Variants in TAB2 observed in about 807,000 individuals in gnomAD.
TAB2 encodes TGF-beta activated kinase 1 (MAP3K7) binding protein 2.
In TAB2, 3 loss-of-function variants were observed where a neutral mutation model predicts 65.0. That is an observed-to-expected ratio of 0.05 (90% CI 0.02 to 0.12). The LOEUF is 0.12. TAB2 is among the 10% of genes least tolerant of loss of function. The pLI is 1.00. For synonymous variants in TAB2, 298 were observed against 285.1 expected (o/e 1.05, Z -0.46); for missense variants, 623 against 840.3 (o/e 0.74, Z 3.20).
chr6:149,237,536 G>A (rs1309060094), intron 1 of TAB2, among the ~76,000 whole-genome samples: 3 of 152,188 alleles, frequency 2.0e-5, no homozygotes, highest in Non-Finnish European at 2.9e-5. Flanking sequence ...CTTTCCATGC[G>A]TAAGTGGAGA....
chr6:149,409,255 T>C (rs1782763328), intron 6 of TAB2, among the ~76,000 whole-genome samples: 1 of 152,244 alleles, frequency 6.6e-6, no homozygotes, highest in African/African-American at 2.4e-5. Flanking sequence ...AGGACAGCTT[T>C]TTACAATCTT....
chr6:149,283,167 G>C (rs961633474), intron 1 of TAB2, among the ~76,000 whole-genome samples: 2 of 152,162 alleles, frequency 1.3e-5, no homozygotes. Flanking sequence ...CTGCTCTCCC[G>C]CTAGGGTTGG....
At chr6:149,392,126 A>T (rs934819565) in intron 3 of TAB2, among the ~76,000 whole-genome samples, 10 of 75,898 alleles carry the variant, frequency 1.3e-4, no homozygotes, top group Non-Finnish European at 2.2e-4. Flanking sequence ...ATCAGATTTT[A>T]TTTTTTTTTG....
chr6:149,277,708 G>C (rs79473288), intron 1 of TAB2, among the ~76,000 whole-genome samples: 2 of 152,162 alleles, frequency 1.3e-5, no homozygotes, highest in Admixed American at 1.3e-4. Context: ...CTTGTGAGAA[G>C]TGGAAGGCCA....
At chr6:149,388,501 C>G (rs909029611) in intron 3 of TAB2, among the ~76,000 whole-genome samples, 1 of 152,224 alleles carries the variant, frequency 6.6e-6, no homozygotes, top group Admixed American at 6.5e-5. Flanking sequence ...CCCATACTTA[C>G]AAATGGGTAA....
intron 1 of TAB2, among the ~76,000 whole-genome samples, chr6:149,311,386 G>A (rs482388): frequency 0.44 from 67,463 of 151,976 alleles, 15,432 homozygotes; most frequent in African/African-American, 0.57. Flanking sequence ...TTCTCCTCTC[G>A]AAACTCCCAG....
At chr6:149,275,404 G>A (rs965835776) in intron 1 of TAB2, among the ~76,000 whole-genome samples, 6 of 152,094 alleles carry the variant, frequency 3.9e-5, no homozygotes, top group African/African-American at 1.4e-4. Flanking sequence ...AACAACTTGA[G>A]CAACAAAATA....
chr6:149,305,071 G>A (rs951059844), intron 1 of TAB2, among the ~76,000 whole-genome samples: 2 of 151,788 alleles, frequency 1.3e-5, no homozygotes, highest in African/African-American at 2.4e-5. Context: ...TTATTGTTTT[G>A]TTATTGTTAT....
chr6:149,369,061 G>A (rs763790060), intron 1 of TAB2, among the ~76,000 whole-genome samples: 1 of 152,116 alleles, frequency 6.6e-6, no homozygotes, highest in Non-Finnish European at 1.5e-5. Flanking sequence ...GTTTTAAAGA[G>A]ATTGTCTTCT....
At chr6:149,329,696 G>T in intron 1 of TAB2, among the ~76,000 whole-genome samples, 1 of 151,780 alleles carries the variant, frequency 6.6e-6, no homozygotes, top group South Asian at 2.1e-4. Flanking sequence ...GTGGAAGTAG[G>T]GTAGATGGTA....
At chr6:149,267,641 C>T (rs532362364) in intron 1 of TAB2, among the ~76,000 whole-genome samples, 1 of 152,136 alleles carries the variant, frequency 6.6e-6, no homozygotes, top group Admixed American at 6.6e-5. Flanking sequence ...GGTTATGCTC[C>T]GAGAAATGCG....
chr6:149,350,899 G>A (rs1462639836), intron 1 of TAB2, among the ~76,000 whole-genome samples: 4 of 152,086 alleles, frequency 2.6e-5, no homozygotes, highest in Non-Finnish European at 5.9e-5. Context: ...TAGCATTAGC[G>A]TATCTCAAGG....
intron 1 of TAB2, among the ~76,000 whole-genome samples, chr6:149,258,447 A>G (rs1042957507): frequency 6.8e-6 from 1 of 146,320 alleles, no homozygotes; most frequent in African/African-American, 2.6e-5. Context: ...ACACACACAC[A>G]CACACACTTC....
chr6:149,358,663 T>C (rs896737980), intron 1 of TAB2, among the ~76,000 whole-genome samples: 2 of 151,570 alleles, frequency 1.3e-5, no homozygotes, highest in African/African-American at 4.8e-5. Flanking sequence ...TGTGTGTGTG[T>C]GTGTGTGTGT....
At chr6:149,250,681 A>G (rs1259045945) in intron 1 of TAB2, among the ~76,000 whole-genome samples, 1 of 152,228 alleles carries the variant, frequency 6.6e-6, no homozygotes, top group African/African-American at 2.4e-5. Flanking sequence ...AAGACTGTAT[A>G]TAAAATAGAT....
intron 1 of TAB2, among the ~76,000 whole-genome samples, chr6:149,258,901 G>C (rs1440530173): frequency 6.6e-6 from 1 of 152,220 alleles, no homozygotes; most frequent in African/African-American, 2.4e-5. Flanking sequence ...AGGTTCAGCA[G>C]GGTTGGTGTC....
In TAB2 at chr6:149,411,392, C is replaced by T. The variant is rs1412306113; in HGVS notation, c.*1673C>T. The T allele has an allele frequency of 6.6e-6, 1 of 152,482 alleles. No individual in the cohort carries two copies. The highest frequency in any genetic ancestry group is 1.5e-5 in the Non-Finnish European group (1 of 68,006). 9.4% of individuals were successfully genotyped at this position (152,482 alleles called of 1,614,324 possible). ...ATCCTAGGTAATTAAACCATAGACC[C>T]AAAGCCCTTACGTTTGATGCAATTT... On this transcript the variant is annotated 3_prime_UTR_variant, in exon 7 of 7. Transcript: ENST00000637181.
rs652921 is a variant in TAB2 at position 149,409,710 on chromosome 6, G to A, written c.2073G>A (p.Arg691=). The A allele has an allele frequency of 0.12, 200,782 of 1,613,838 alleles. 17,682 individuals carry two copies. Among genetic ancestry groups the A allele is most frequent in the East Asian group, 0.49 (22,087 of 44,866 alleles). Residue 691 remains arginine, a synonymous_variant, in exon 7 of 7, where the codon AGG becomes AGA. Transcript: ENST00000637181. ...GCTGTGAACAGTGTGAGATGCCAAG[G>A]CATTTCTGAGCCAAATGGCCCTGTA... ...LIRCEQCEMP[R]HF
At chr6:149,299,433 G>T (rs879413551) in intron 1 of TAB2, among the ~76,000 whole-genome samples, 3 of 152,148 alleles carry the variant, frequency 2.0e-5, no homozygotes, top group Non-Finnish European at 2.9e-5. Context: ...TTAGCCAGGC[G>T]TGGTGGTGCA....
Sources: gnomAD v4.1 joint callset for allele counts (sites outside exome capture counted in the v4.1 genomes callset) on GRCh38, gnomAD v4.1.1 for gene constraint, MANE v1.5 for transcripts, NCBI Gene and HGNC (gene_info 2026-07-23, HGNC 2026-07-21) for gene names.